The following GYG2 variants were observed in gnomAD, a reference collection of about 807,000 sequenced individuals.
GYG2 encodes glycogenin 2, also known as glycogenin-2.
A neutral mutation model predicts 29.4 loss-of-function variants in GYG2; 29 were observed. That is an observed-to-expected ratio of 0.99 (90% CI 0.74 to 1.35). The LOEUF is 1.35. Ranked by LOEUF, GYG2 falls within the 40% of genes most tolerant of loss-of-function variation. The probability of loss-of-function intolerance (pLI) is 0.00; values close to 1 mark genes in which losing one functional copy is unlikely to be tolerated. For synonymous variants in GYG2, 167 were observed against 172.3 expected, an observed-to-expected ratio of 0.97 and a Z score of 0.24; for missense variants, 370 against 385.7, an observed-to-expected ratio of 0.96 and a Z score of 0.34.
At chrX:2,876,149 C>T (rs1301143676) in intron 9 of GYG2, among the ~76,000 whole-genome samples, 1 of 95,840 alleles carries the variant, frequency 1.0e-5, no homozygotes, top group Non-Finnish European at 2.0e-5. Flanking sequence ...GCTGTCTGTT[C>T]GAACTTATTG....
At chrX:2,874,369 G>A (rs1285464180) in intron 8 of GYG2, among the ~76,000 whole-genome samples, 1 of 112,305 alleles carries the variant, frequency 8.9e-6, no homozygotes, top group South Asian at 3.7e-4. Context: ...TTCATTTCCA[G>A]TCGTTCTACA....
intron 1 of GYG2, among the ~76,000 whole-genome samples, 172 bp from the exon 2 acceptor site, chrX:2,829,889 G>C (rs1267905348): frequency 6.4e-5 from 7 of 109,988 alleles, no homozygotes; most frequent in Non-Finnish European, 1.1e-4. Flanking sequence ...CAGAGGGCAC[G>C]AGGCTGACCT....
chrX:2,842,995 TAG>T (rs1194999700), intron 2 of GYG2: 1 of 458,221 alleles, frequency 2.2e-6, no homozygotes, highest in African/African-American at 2.4e-5. Context: ...GTATTTTTCG[TAG>T]AGACAGAGTT....
At position 2,832,550 on chromosome X, in the gene GYG2, T is replaced by C. The variant is rs184622462; in HGVS notation, c.7+2355T>C. 1.2e-4 allele frequency among the ~76,000 whole-genome samples: 13 copies of C among 111,459 alleles called. No individual in the cohort carries two copies. In the East Asian group the frequency reaches 2.0e-3, roughly 17 times the overall value. On this transcript the variant is annotated intron_variant, in intron 2 of 10. Transcript: ENST00000398806. ...CTGTGTCCTAATCGCCTCTTTTTTT[T>C]TGAGATGGAATTTTGCTCTTGTCGC...
chrX:2,830,091 G>A lies in GYG2; in HGVS notation c.-98G>A, dbSNP rs1397726860. 6.0e-6 allele frequency: 5 copies of A among 840,054 alleles called. No homozygotes were observed. In the South Asian group the frequency reaches 1.1e-4, roughly 19 times the overall value. The allele number at this position is 840,054 out of a possible 1,213,427, so 69.2% of individuals were successfully genotyped here. ...GAAATCCACGCGGATTCCCGGAGAC[G>A]GCGCCTCTGCTCTGCGGGTTCGTGG... On this transcript the variant is annotated 5_prime_UTR_variant, in exon 2 of 11. Transcript: ENST00000398806.
chrX:2,877,208 A>C lies in GYG2; in HGVS notation c.1152A>C (p.Ala384=), dbSNP rs2088622197. 1 of 1,206,296 alleles carries C rather than the reference A, an allele frequency of 8.3e-7. No individual in the cohort carries two copies. The highest frequency in any genetic ancestry group is 2.2e-5 in the Admixed American group (1 of 45,626). The change falls in exon 10 of 11, where the codon GCA becomes GCC. Residue 384 remains alanine (A), a synonymous_variant. Coordinates refer to ENST00000398806, the MANE Select transcript of GYG2 (RefSeq NM_001079855.2). ...GAATGGTTATGTTTTAGCAGCCAGC[A>C]AATAAAGTCGAAAGTGTCTCATCCG... ...FTETETILQP[A]NKVESVSSEE... is the part of the protein sequence containing the mutation.
rs777064113 is a variant in GYG2 at position 2,856,580 on chromosome X, C to G, written c.570C>G (p.Asn190Lys). The change falls in exon 6 of 11, where the codon AAC becomes AAG. Residue 190 changes from asparagine (N) to lysine (K), a missense_variant. Coordinates refer to ENST00000398806, the MANE Select transcript of GYG2 (RefSeq NM_001079855.2). ...DIHKHLPFIY[N>K]LSSNTMYTYS... ...ACAAGCACCTGCCGTTCATCTATAA[C>G]TTGAGTAGTAACACGATGTACACTT... is the stretch of plus-strand genomic sequence containing the variant. 3 of 1,204,898 alleles carry G rather than the reference C, an allele frequency of 2.5e-6. No homozygotes were observed. The highest frequency in any genetic ancestry group is 4.6e-4 in the Middle Eastern group (2 of 4,327).
At chrX:2,835,785 G>A (rs756636236) in intron 2 of GYG2, among the ~76,000 whole-genome samples, 1 of 111,052 alleles carries the variant, frequency 9.0e-6, no homozygotes, top group South Asian at 3.9e-4. Context: ...CCCAGCGTGT[G>A]GTACTTTCTC....
At chrX:2,854,882 A>C in intron 4 of GYG2, 111 bp from the exon 5 acceptor site, 1 of 884,069 alleles carries the variant, frequency 1.1e-6, no homozygotes, top group African/African-American at 2.0e-5. Flanking sequence ...CAGTGAGCCG[A>C]GACTGAAGCA....
intron 2 of GYG2, among the ~76,000 whole-genome samples, chrX:2,830,417 G>A (rs1343020487): frequency 8.9e-6 from 1 of 111,986 alleles, no homozygotes; most frequent in African/African-American, 3.3e-5. Context: ...GGGGGCCTTG[G>A]GATTTCACCA....
intron 2 of GYG2, among the ~76,000 whole-genome samples, chrX:2,831,019 G>A (rs774037638): frequency 2.7e-5 from 3 of 112,415 alleles, no homozygotes; most frequent in South Asian, 3.7e-4. Flanking sequence ...GCCAAGGACC[G>A]GTGAGCCCCA....
rs191897893 is a variant in GYG2, at chrX:2,850,222, T to G, written c.150-3758T>G. On this transcript the variant is annotated intron_variant, in intron 3 of 10. Transcript: ENST00000398806. Reference sequence around the variant, plus strand: ...TGTATAAAACAGAGTTAAGTCTGAATGTGTTAGTGCACAGTTACGAAAATA... The same window carrying G: ...TGTATAAAACAGAGTTAAGTCTGAAGGTGTTAGTGCACAGTTACGAAAATA... 2.7e-5 allele frequency among the ~76,000 whole-genome samples: 3 copies of G among 112,076 alleles called. No homozygotes were observed. In the East Asian group the frequency reaches 8.4e-4, roughly 31 times the overall value.
At chrX:2,863,961 A>G (rs1364280690) in intron 8 of GYG2, among the ~76,000 whole-genome samples, 1 of 111,898 alleles carries the variant, frequency 8.9e-6, no homozygotes, top group African/African-American at 3.2e-5. Context: ...TTTAGTAGGC[A>G]ACCAAGTTTA....
In GYG2 at chrX:2,828,937, G is replaced by C. The variant is rs1159122463; in HGVS notation, c.-167G>C. On this transcript the variant is annotated 5_prime_UTR_variant, in exon 1 of 11. Transcript: ENST00000398806. The stretch of plus-strand genomic sequence containing the variant: ...CCAATCGCTGCCCTCGGGGCCTCCA[G>C]CGCCGGCTCTGGGCCGAGGCAGCCA... 9.0e-6 allele frequency: 1 copy of C among 111,030 alleles called. No individual in the cohort carries two copies. The highest frequency in any genetic ancestry group is 3.3e-5 in the African/African-American group (1 of 30,525). 9.2% of individuals were successfully genotyped at this position (111,030 alleles called of 1,213,427 possible). A position where few individuals can be genotyped will look rare whatever the true frequency, so the allele number is the denominator to read the frequency against.
intron 8 of GYG2, among the ~76,000 whole-genome samples, chrX:2,865,845 A>G (rs1341481070): frequency 2.0e-5 from 2 of 98,571 alleles, no homozygotes; most frequent in African/African-American, 3.8e-5. Flanking sequence ...TCAAAAAACT[A>G]CAAATAGAAC....
At chrX:2,841,350 T>C (rs1246745458) in intron 2 of GYG2, among the ~76,000 whole-genome samples, 1 of 93,179 alleles carries the variant, frequency 1.1e-5, no homozygotes, top group Non-Finnish European at 2.2e-5. Context: ...ATGGATAATA[T>C]AGATATTATC....
intron 3 of GYG2, among the ~76,000 whole-genome samples, chrX:2,846,067 T>A (rs1425650633): frequency 1.4e-3 from 25 of 17,912 alleles, no homozygotes; most frequent in African/African-American, 4.9e-3. Flanking sequence ...TTTTTTTTTT[T>A]TTTTTTTTTT....
At chrX:2,869,632 C>T (rs376196528) in intron 8 of GYG2, among the ~76,000 whole-genome samples, 36 of 111,827 alleles carry the variant, frequency 3.2e-4, no homozygotes, top group African/African-American at 1.1e-3. Context: ...GCAAGGTTGA[C>T]GTGTTTTGGT....
chrX:2,857,672 A>G (rs2088051946), intron 6 of GYG2, among the ~76,000 whole-genome samples: 1 of 110,507 alleles, frequency 9.0e-6, no homozygotes, highest in Admixed American at 9.9e-5. Context: ...ATACGTCTTT[A>G]TATATGTATA....
Sources: gnomAD v4.1 joint callset for allele counts (sites outside exome capture counted in the v4.1 genomes callset) on GRCh38, gnomAD v4.1.1 for gene constraint, MANE v1.5 for transcripts, NCBI Gene and HGNC (gene_info 2026-07-23, HGNC 2026-07-21) for gene names.